DNAH9: variants seen among roughly 807,000 people sequenced by gnomAD.
DNAH9 encodes the protein dynein axonemal heavy chain 9.
DNAH9 carries 345 observed loss-of-function variants against 471.6 expected under a neutral mutation model. The ratio of observed to expected loss-of-function variants is 0.73; its 90% confidence interval spans 0.67 to 0.80. The LOEUF is 0.80. Among genes scored for constraint, DNAH9 ranks in the 30% least tolerant of loss-of-function variants. DNAH9 has a pLI of 0.00. For missense variants in DNAH9, 5,407 were observed against 5,609.2 expected (o/e 0.96, Z 1.15); for synonymous variants, 2,093 against 2,123.6 (o/e 0.99, Z 0.40).
Position 11,651,215 on chromosome 17 carries a change from G to A in DNAH9, c.2244G>A (p.Lys748=), listed in dbSNP as rs752213601. The A allele has an allele frequency of 1.2e-6, 2 of 1,614,074 alleles. No individual in the cohort carries two copies. Among genetic ancestry groups the A allele is most frequent in the East Asian group, 2.2e-5 (1 of 44,860 alleles). ...AGTTGATGGCAAATTGGTACAACAA[G>A]GTTATGAAAACTCTGCTGGAGGTGG... ...NLELMANWYN[K]VMKTLLEVEF... Residue 748 remains lysine (K), a synonymous_variant, in exon 13 of 69, where the codon AAG becomes AAA. Coordinates refer to ENST00000262442, the MANE Select transcript of DNAH9 (RefSeq NM_001372.4).
intron 19 of DNAH9, among the ~76,000 whole-genome samples, chr17:11,686,144 A>G (rs866436239): frequency 1.3e-5 from 2 of 152,110 alleles, no homozygotes; most frequent in Non-Finnish European, 2.9e-5. Context: ...GACACCGTTC[A>G]TGGTATACAC....
chr17:11,598,591 C>A lies in DNAH9; in HGVS notation c.93C>A (p.Tyr31Ter). 7.5e-7 allele frequency: 1 copy of A among 1,331,324 alleles called. No individual in the cohort carries two copies. Among genetic ancestry groups the A allele is most frequent in the Middle Eastern group, 2.4e-4 (1 of 4,202 alleles). 82.5% of individuals were successfully genotyped at this position (1,331,324 alleles called of 1,614,324 possible). A position where few individuals can be genotyped will look rare whatever the true frequency, so the allele number is the denominator to read the frequency against. The change falls in exon 1 of 69, where the codon TAC becomes TAA. Residue 31 changes from tyrosine (Y) to a stop codon, truncating the protein, a stop_gained. Coordinates refer to ENST00000262442, the MANE Select transcript of DNAH9 (RefSeq NM_001372.4). LOFTEE classifies it high-confidence loss of function. The part of the protein sequence containing the change: ...ADRRLRLLGT[Y>*]VAMSLRPAAG... ...GACGACTGCGACTCCTGGGGACCTA[C>A]GTGGCCATGAGCCTGCGGCCGGCTG...
At chr17:11,693,140 CCT>C (rs970229617) in intron 20 of DNAH9, among the ~76,000 whole-genome samples, 3 of 149,978 alleles carry the variant, frequency 2.0e-5, no homozygotes, top group Non-Finnish European at 3.0e-5. Context: ...GTCTCAAACT[CCT>C]GACCTTGTGA....
At chr17:11,831,097 C>T (rs1029771929) in intron 48 of DNAH9, among the ~76,000 whole-genome samples, 1 of 152,190 alleles carries the variant, frequency 6.6e-6, no homozygotes, top group Non-Finnish European at 1.5e-5. Flanking sequence ...TATATGGACA[C>T]AGCGTAAGCA....
chr17:11,850,085 G>A (rs1399029323), intron 49 of DNAH9, among the ~76,000 whole-genome samples: 1 of 152,172 alleles, frequency 6.6e-6, no homozygotes, highest in Non-Finnish European at 1.5e-5. Flanking sequence ...ATATAATGTA[G>A]TAGAGCATGA....
chr17:11,919,509 A>AG (rs1436676471), intron 61 of DNAH9, among the ~76,000 whole-genome samples: 2 of 151,530 alleles, frequency 1.3e-5, no homozygotes, highest in Non-Finnish European at 2.9e-5. Context: ...AAAAAAGAAA[A>AG]AAAAAAAAAA....
At chr17:11,924,049 A>T in intron 62 of DNAH9, 108 bp downstream of exon 62, 1 of 1,429,506 alleles carries the variant, frequency 7.0e-7, no homozygotes, top group Non-Finnish European at 9.4e-7. Flanking sequence ...GTCCTTTCAC[A>T]CTCTTGTCCC....
Position 11,617,640 on chromosome 17 carries a change from G to A in DNAH9, c.1116+18G>A, listed in dbSNP as rs1399433411. On this transcript the variant is annotated intron_variant, in intron 5 of 68. Transcript: ENST00000262442. The stretch of plus-strand genomic sequence containing the variant: ...TCCAGCAGGTGGGCTGCCCTGGGAT[G>A]CCCAGCAACTGCTCCCTGGGGGCTG... The A allele has an allele frequency of 2.5e-6, 4 of 1,595,988 alleles. No individual in the cohort carries two copies. Among genetic ancestry groups the A allele is most frequent in the Non-Finnish European group, 3.4e-6 (4 of 1,164,362 alleles).
intron 62 of DNAH9, chr17:11,925,513 T>A: frequency 3.9e-6 from 1 of 256,266 alleles, no homozygotes; most frequent in South Asian, 4.4e-5. Flanking sequence ...TCCTCCCTCA[T>A]GGGTCAGCAC....
chr17:11,884,772 G>A (rs931762255), intron 56 of DNAH9, among the ~76,000 whole-genome samples: 6 of 152,108 alleles, frequency 3.9e-5, no homozygotes, highest in Non-Finnish European at 8.8e-5. Flanking sequence ...CGTATCTCTG[G>A]TTGGGGGCAT....
In DNAH9 at chr17:11,690,280, G is replaced by C; in HGVS notation, c.4458G>C (p.Lys1486Asn). ...QVQLQNLVMS[K>N]YVAFFLEEVS... ...AACTTCAGAACCTGGTGATGTCCAA[G>C]TATGTTGCTTTCTTCTTGGAGGAGG... Residue 1486 changes from lysine to asparagine, a missense_variant, in exon 20 of 69, where the codon AAG becomes AAC. Around this residue, in one of 3 missense-constraint regions of DNAH9, gnomAD observed 4,636 missense variants for 4,900.3 expected, o/e 0.95. Transcript: ENST00000262442. The C allele has an allele frequency of 6.2e-7, 1 of 1,614,206 alleles. No homozygotes were observed. Among genetic ancestry groups the C allele is most frequent in the Non-Finnish European group, 8.5e-7 (1 of 1,180,044 alleles).
At chr17:11,761,380 G>A (rs963253974) in intron 35 of DNAH9, among the ~76,000 whole-genome samples, 1 of 152,172 alleles carries the variant, frequency 6.6e-6, no homozygotes, top group East Asian at 1.9e-4. Context: ...CTGTAAAAGC[G>A]GGGTGGAGAG....
intron 42 of DNAH9, among the ~76,000 whole-genome samples, chr17:11,794,140 G>T (rs541938017): frequency 2.6e-4 from 38 of 146,848 alleles, no homozygotes; most frequent in Admixed American, 6.2e-4. Flanking sequence ...CGCCTCCCAG[G>T]TTCATGCCAT....
chr17:11,878,364 T>C (rs1212814833), intron 53 of DNAH9, among the ~76,000 whole-genome samples: 1 of 152,190 alleles, frequency 6.6e-6, no homozygotes, highest in Non-Finnish European at 1.5e-5. Context: ...TGAATGAAAA[T>C]TTGTTCGTCT....
chr17:11,699,981 T>C lies in DNAH9; in HGVS notation c.5025+98T>C, dbSNP rs750222640. On this transcript the variant is annotated intron_variant, in intron 23 of 68. Transcript: ENST00000262442. ...AACTCTAGGAGGGCCTTTCTGACCT[T>C]GGTCCAGAGCTGCTGTCCATGCCCT... is the stretch of plus-strand genomic sequence containing the variant. The C allele has an allele frequency of 4.6e-5, 60 of 1,292,158 alleles. 2 individuals carry two copies. In the South Asian group the frequency reaches 6.4e-4, roughly 14 times the overall value. The allele number at this position is 1,292,158 out of a possible 1,614,324, so 80.0% of individuals were successfully genotyped here.
At chr17:11,839,751 A>G (rs1432629433) in intron 49 of DNAH9, among the ~76,000 whole-genome samples, 1 of 152,194 alleles carries the variant, frequency 6.6e-6, no homozygotes, top group African/African-American at 2.4e-5. Flanking sequence ...GTTTTACTGT[A>G]TGTATTTAAG....
At chr17:11,673,748 ATATTT>A (rs762516000) in intron 17 of DNAH9, among the ~76,000 whole-genome samples, 62 of 152,286 alleles carry the variant, frequency 4.1e-4, no homozygotes, top group Non-Finnish European at 7.6e-4. Flanking sequence ...AACATTGGCT[ATATTT>A]TAAAGTTTAA....
At chr17:11,740,931 T>C (rs1298535020) in intron 29 of DNAH9, among the ~76,000 whole-genome samples, 2 of 152,210 alleles carry the variant, frequency 1.3e-5, no homozygotes, top group African/African-American at 2.4e-5. Flanking sequence ...TTTTTCAAAA[T>C]TGGGATCAGA....
chr17:11,852,022 A>G (rs1971441403), intron 49 of DNAH9, among the ~76,000 whole-genome samples: 1 of 152,170 alleles, frequency 6.6e-6, no homozygotes, highest in Non-Finnish European at 1.5e-5. Flanking sequence ...GGGGGCCGTG[A>G]CAACAGGTGT....
Sources: gnomAD v4.1 joint callset for allele counts (sites outside exome capture counted in the v4.1 genomes callset) on GRCh38, gnomAD v4.1.1 for gene constraint, gnomAD v4.1.1 regional missense constraint, MANE v1.5 for transcripts, NCBI Gene and HGNC (gene_info 2026-07-23, HGNC 2026-07-21) for gene names.